The following C3orf52 variants were observed in gnomAD, a reference collection of about 807,000 sequenced individuals.
C3orf52 encodes chromosome 3 open reading frame 52, also known as TPA-induced transmembrane protein.
C3orf52 carries 22 observed loss-of-function variants against 24.8 expected under a neutral mutation model. That is an observed-to-expected ratio of 0.89 (90% CI 0.63 to 1.27). The LOEUF (loss-of-function observed/expected upper bound fraction) is 1.27, where lower values mean the gene tolerates loss of function less well. Among genes scored for constraint, C3orf52 ranks in the 50% most tolerant of loss-of-function variants. The pLI, the probability that C3orf52 is intolerant of heterozygous loss-of-function variation, is 0.00. For synonymous variants in C3orf52, 93 were observed against 100.2 expected, an observed-to-expected ratio of 0.93 and a Z score of 0.43; for missense variants, 265 against 260.7, an observed-to-expected ratio of 1.02 and a Z score of -0.11.
intron 4 of C3orf52, among the ~76,000 whole-genome samples, chr3:112,125,557 T>C (rs1207895397): frequency 6.6e-6 from 1 of 152,202 alleles, no homozygotes; most frequent in African/African-American, 2.4e-5. Context: ...TCTCCTTCCT[T>C]ACACAAAATT....
chr3:112,133,769 A>G (rs2074515818), downstream of C3orf52: 1 of 152,308 alleles, frequency 6.6e-6, no homozygotes, highest in Non-Finnish European at 1.5e-5. Context: ...ATGCAAAGCA[A>G]CTGGAAGTCT....
At position 112,117,094 on chromosome 3, in the gene C3orf52, T is replaced by G; in HGVS notation, c.*448T>G. ...TTAGTGCAGAGGTGCACTGTCTTCT[T>G]TTAGGTGGGATCGCGTAAGCATGAG... is the stretch of plus-strand genomic sequence containing the variant. On this transcript the variant is annotated 3_prime_UTR_variant, in exon 6 of 6. Coordinates refer to ENST00000264848, the MANE Select transcript of C3orf52 (RefSeq NM_024616.3). 1 of 635,938 alleles carries G rather than the reference T, an allele frequency of 1.6e-6. No individual in the cohort carries two copies. Among genetic ancestry groups the G allele is most frequent in the Non-Finnish European group, 2.7e-6 (1 of 373,730 alleles). 39.4% of individuals were successfully genotyped at this position (635,938 alleles called of 1,614,324 possible).
At chr3:112,118,458 T>G (rs1342362074), downstream of C3orf52, among the ~76,000 whole-genome samples, 2 of 152,212 alleles carry the variant, frequency 1.3e-5, no homozygotes, top group African/African-American at 2.4e-5. Context: ...CTGAAAGGGC[T>G]TGGACTTGAA....
At chr3:112,119,536 C>T (rs750734139), downstream of C3orf52, 4 of 702,796 alleles carry the variant, frequency 5.7e-6, no homozygotes, top group African/African-American at 5.2e-5. Context: ...CCTTCCTTTA[C>T]ACATGTTCGT....
intron 1 of C3orf52, among the ~76,000 whole-genome samples, chr3:112,091,662 C>CAG: frequency 6.6e-6 from 1 of 152,126 alleles, no homozygotes; most frequent in East Asian, 1.9e-4. Context: ...AAATACAGTC[C>CAG]AAGTGTGGAC....
At chr3:112,106,237 G>A (rs182475001) in intron 3 of C3orf52, among the ~76,000 whole-genome samples, 2 of 145,382 alleles carry the variant, frequency 1.4e-5, no homozygotes, top group East Asian at 4.1e-4. Context: ...TGGAGGTGGG[G>A]CCAAAAGCTT....
chr3:112,112,879 A>C, intron 4 of C3orf52, 85 bp from the exon 5 acceptor site: 5 of 1,198,882 alleles, frequency 4.2e-6, no homozygotes, highest in Non-Finnish European at 6.1e-6. Context: ...GCAAAACTAA[A>C]AAAAAAAAAA....
Position 112,113,112 on chromosome 3 carries a change from C to G in C3orf52, c.616C>G (p.Leu206Val). The G allele has an allele frequency of 6.2e-7, 1 of 1,610,540 alleles. No homozygotes were observed. Among genetic ancestry groups the G allele is most frequent in the Non-Finnish European group, 8.5e-7 (1 of 1,178,560 alleles). The change falls in exon 5 of 6, where the codon CTG becomes GTG. Residue 206 changes from leucine to valine, a missense_variant. Physicochemically the swap from Leu to Val is conservative, Grantham distance 32. Transcript: ENST00000264848. ...RDQNIPGCES[L>V]GLDPTSLLLY... ...TCAGAATATACCTGGTTGTGAGAGT[C>G]TGGGGCTTGATCCAACATCCCTCTT...
Position 112,116,751 on chromosome 3 carries a change from A to G in C3orf52, c.*105A>G, listed in dbSNP as rs1401627778. On this transcript the variant is annotated 3_prime_UTR_variant, in exon 6 of 6. Transcript: ENST00000264848. ...AAAAGATTCTGTGGATTAATACAGA[A>G]GCACCAGCAACACCAGAGGGGTGGA... The G allele has an allele frequency of 6.4e-7, 1 of 1,551,028 alleles. No individual in the cohort carries two copies. Among genetic ancestry groups the G allele is most frequent in the African/African-American group, 1.4e-5 (1 of 73,154 alleles).
intron 1 of C3orf52, among the ~76,000 whole-genome samples, chr3:112,089,872 G>A (rs979517587): frequency 4.6e-5 from 7 of 152,212 alleles, no homozygotes; most frequent in Non-Finnish European, 7.3e-5. Context: ...GGAAAGCCCT[G>A]AAAATTCTTG....
downstream of C3orf52, chr3:112,132,494 G>C (rs2074480378): frequency 4.5e-6 from 1 of 223,650 alleles, no homozygotes; most frequent in Non-Finnish European, 7.5e-6. Flanking sequence ...CCTACTTTAT[G>C]TCAGGCACTA....
At chr3:112,087,826 A>G (rs2073843644) in intron 1 of C3orf52, among the ~76,000 whole-genome samples, 1 of 152,172 alleles carries the variant, frequency 6.6e-6, no homozygotes, top group Non-Finnish European at 1.5e-5. Context: ...GGACCCGCAC[A>G]CCCTAAAGAC....
At chr3:112,128,433 A>G in exon 5 of C3orf52, 1 of 374,164 alleles carries the variant, frequency 2.7e-6, no homozygotes, top group Non-Finnish European at 5.2e-6. Flanking sequence ...GGTATGGGTT[A>G]GGCAATATCA....
chr3:112,133,632 A>G (rs1309091849), downstream of C3orf52: 1 of 154,604 alleles, frequency 6.5e-6, no homozygotes, highest in Non-Finnish European at 1.4e-5. Context: ...GGAACTATAC[A>G]GATGAACATT....
intron 2 of C3orf52, among the ~76,000 whole-genome samples, chr3:112,098,762 A>G (rs139198920): frequency 2.0e-4 from 31 of 152,262 alleles, no homozygotes; most frequent in African/African-American, 7.0e-4. Flanking sequence ...TATTTCGTAG[A>G]TCATGCCTTC....
chr3:112,120,225 C>G (rs1380749285), downstream of C3orf52, among the ~76,000 whole-genome samples: 1 of 152,182 alleles, frequency 6.6e-6, no homozygotes, highest in African/African-American at 2.4e-5. Context: ...TGAATTGAGG[C>G]TATAGGCTTG....
Position 112,109,597 on chromosome 3 carries a change from G to C in C3orf52, c.451G>C (p.Glu151Gln), listed in dbSNP as rs780914069. 2 of 1,588,356 alleles carry C rather than the reference G, an allele frequency of 1.3e-6. No individual in the cohort carries two copies. The highest frequency in any genetic ancestry group is 2.2e-5 in the South Asian group (2 of 90,150). ...TCTGGGTCGTTATTTTACTTCAGTT[G>C]AAATAGTGGACTTCAGGTAAGAGTG... is the stretch of plus-strand genomic sequence containing the variant. ...PSLGRYFTSV[E>Q]IVDFSGENAT... Residue 151 changes from glutamate to glutamine, a missense_variant, in exon 4 of 6, where the codon GAA (glutamate) becomes CAA (glutamine). Glu to Gln is a conservative substitution (Grantham distance 29, BLOSUM62 2). Coordinates refer to ENST00000264848, the MANE Select transcript of C3orf52 (RefSeq NM_024616.3).
intron 2 of C3orf52, among the ~76,000 whole-genome samples, chr3:112,102,542 G>A (rs2073982724): frequency 6.6e-6 from 1 of 152,078 alleles, no homozygotes; most frequent in African/African-American, 2.4e-5. Context: ...GTCTAATAAG[G>A]AAGTTCATAT....
downstream of C3orf52, chr3:112,119,368 T>G (rs2074167813): frequency 4.4e-6 from 3 of 684,532 alleles, no homozygotes; most frequent in East Asian, 2.7e-5. Context: ...AGAGTGAAAC[T>G]CCATAACAAA....
Sources: gnomAD v4.1 joint callset for allele counts (sites outside exome capture counted in the v4.1 genomes callset) on GRCh38, gnomAD v4.1.1 for gene constraint, MANE v1.5 for transcripts, NCBI Gene and HGNC (gene_info 2026-07-23, HGNC 2026-07-21) for gene names.